Variants in TBC1D22A observed in about 807,000 individuals in gnomAD.
The protein encoded by TBC1D22A is putative GTPase activator.
TBC1D22A carries 38 observed loss-of-function variants against 60.2 expected under a neutral mutation model. The observed-to-expected ratio is 0.63, with a 90% CI of 0.49 to 0.83. The LOEUF (loss-of-function observed/expected upper bound fraction) is 0.83. TBC1D22A is among the 40% of genes least tolerant of loss of function. The probability of loss-of-function intolerance (pLI) is 0.00; values close to 1 mark genes in which losing one functional copy is unlikely to be tolerated. For synonymous variants in TBC1D22A, 302 were observed against 281.7 expected, an observed-to-expected ratio of 1.07 and a Z score of -0.72; for missense variants, 628 against 701.0, an observed-to-expected ratio of 0.90 and a Z score of 1.18.
chr22:46,967,937 C>T (rs1028463278), intron 8 of TBC1D22A, among the ~76,000 whole-genome samples: 10 of 152,142 alleles, frequency 6.6e-5, no homozygotes, highest in African/African-American at 1.2e-4. Context: ...GATTCCAGAG[C>T]ACCCCCTGGT....
chr22:46,781,927 T>C (rs2083957591), intron 1 of TBC1D22A, among the ~76,000 whole-genome samples: 1 of 152,256 alleles, frequency 6.6e-6, no homozygotes, highest in South Asian at 2.1e-4. Flanking sequence ...TACTAACCAG[T>C]TAGTCCTCCT....
chr22:46,847,954 T>TGC (rs137955823), intron 4 of TBC1D22A, among the ~76,000 whole-genome samples: 179 of 53,896 alleles, frequency 3.3e-3, no homozygotes, highest in East Asian at 0.01. Flanking sequence ...TGTGTGTGTG[T>TGC]GCGCGCGCGC....
intron 12 of TBC1D22A, among the ~76,000 whole-genome samples, chr22:47,129,393 C>T (rs1376680901): frequency 6.6e-6 from 1 of 152,246 alleles, no homozygotes; most frequent in Non-Finnish European, 1.5e-5. Context: ...AGGAGAATCA[C>T]TTGAACCTGG....
chr22:46,891,144 C>G, intron 5 of TBC1D22A, 122 bp from the exon 6 acceptor site: 1 of 1,132,726 alleles, frequency 8.8e-7, no homozygotes, highest in Non-Finnish European at 1.2e-6. Flanking sequence ...GTGCTCCTCT[C>G]TGTGTCAGAT....
chr22:47,108,327 C>T (rs2065714494), intron 11 of TBC1D22A, among the ~76,000 whole-genome samples: 1 of 152,198 alleles, frequency 6.6e-6, no homozygotes, highest in South Asian at 2.1e-4. Flanking sequence ...AATGGATAAA[C>T]AAACTGTGGT....
intron 11 of TBC1D22A, among the ~76,000 whole-genome samples, chr22:47,095,656 G>C (rs919913068): frequency 1.3e-5 from 2 of 152,252 alleles, no homozygotes; most frequent in Non-Finnish European, 2.9e-5. Context: ...GAGAGGAGCA[G>C]CTCGGCTCTG....
chr22:46,811,159 G>T (rs1306356375), intron 4 of TBC1D22A, among the ~76,000 whole-genome samples: 1 of 152,208 alleles, frequency 6.6e-6, no homozygotes, highest in Non-Finnish European at 1.5e-5. Context: ...CCAGATTCAG[G>T]CAGTGGATGG....
intron 7 of TBC1D22A, among the ~76,000 whole-genome samples, chr22:46,897,342 A>G (rs573074913): frequency 1.3e-4 from 20 of 152,256 alleles, no homozygotes; most frequent in South Asian, 4.2e-4. Context: ...GTGGCCCGCT[A>G]TCAGTCTGAT....
At chr22:47,005,244 C>T (rs931247986) in intron 10 of TBC1D22A, among the ~76,000 whole-genome samples, 2 of 151,312 alleles carry the variant, frequency 1.3e-5, no homozygotes, top group African/African-American at 4.9e-5. Context: ...TACACAGAAA[C>T]ACCACTATAC....
At chr22:47,102,549 G>T (rs2065460641) in intron 11 of TBC1D22A, among the ~76,000 whole-genome samples, 1 of 152,178 alleles carries the variant, frequency 6.6e-6, no homozygotes, top group African/African-American at 2.4e-5. Flanking sequence ...TTCCATAGAT[G>T]ATATGAGTTT....
intron 10 of TBC1D22A, among the ~76,000 whole-genome samples, chr22:47,006,494 G>A (rs567508517): frequency 1.3e-5 from 2 of 152,294 alleles, no homozygotes; most frequent in Admixed American, 1.3e-4. Flanking sequence ...CGGTGACCCC[G>A]GGTGGTGAGA....
At chr22:46,956,522 C>T (rs554340371) in intron 8 of TBC1D22A, among the ~76,000 whole-genome samples, 31 of 152,264 alleles carry the variant, frequency 2.0e-4, no homozygotes, top group Admixed American at 1.4e-3. Flanking sequence ...CTTCTTTGTC[C>T]GTATAGAGAG....
At chr22:46,823,845 G>A (rs775469293) in intron 4 of TBC1D22A, among the ~76,000 whole-genome samples, 60 of 152,168 alleles carry the variant, frequency 3.9e-4, no homozygotes, top group Admixed American at 2.6e-3. Flanking sequence ...CCGTGACCAG[G>A]ACCAGCAGGT....
chr22:47,013,640 G>A (rs1240832362), intron 10 of TBC1D22A, among the ~76,000 whole-genome samples: 2 of 152,160 alleles, frequency 1.3e-5, no homozygotes, highest in East Asian at 3.9e-4. Flanking sequence ...TTGCCTTTCC[G>A]GGCCAGGGCT....
chr22:46,867,682 A>G (rs2067120415), intron 4 of TBC1D22A, among the ~76,000 whole-genome samples: 1 of 152,238 alleles, frequency 6.6e-6, no homozygotes, highest in South Asian at 2.1e-4. Flanking sequence ...GATGACGTTA[A>G]CACTGTAGAA....
intron 7 of TBC1D22A, among the ~76,000 whole-genome samples, chr22:46,906,906 G>A (rs780903839): frequency 3.0e-4 from 45 of 151,920 alleles, no homozygotes; most frequent in Admixed American, 5.9e-4. Flanking sequence ...GTATATGTGC[G>A]CATGTGCTTT....
Position 46,878,648 on chromosome 22 carries a change from A to T in TBC1D22A, c.638-5A>T, listed in dbSNP as rs755866686. 16 of 1,613,078 alleles carry T rather than the reference A, an allele frequency of 9.9e-6. No individual in the cohort carries two copies. The Admixed American group carries it at 2.5e-4, about 25-fold the overall frequency. On this transcript the variant is annotated splice_polypyrimidine_tract_variant and splice_region_variant and intron_variant, in intron 4 of 12. Coordinates refer to ENST00000337137, the MANE Select transcript of TBC1D22A (RefSeq NM_014346.5). ...GTTTTTCCTTGTCTCTTTTTTCATC[A>T]ACAGAGGAATTACGGAGGTTGAGCT...
At chr22:46,880,740 C>T (rs976924137) in intron 5 of TBC1D22A, among the ~76,000 whole-genome samples, 5 of 152,004 alleles carry the variant, frequency 3.3e-5, no homozygotes, top group Admixed American at 6.5e-5. Context: ...TAAGAGGGGA[C>T]TTCACACCTG....
At chr22:46,889,871 C>CG (rs2068306873) in intron 5 of TBC1D22A, among the ~76,000 whole-genome samples, 1 of 152,038 alleles carries the variant, frequency 6.6e-6, no homozygotes, top group South Asian at 2.1e-4. Flanking sequence ...TATACAGGGG[C>CG]GGGGGGATAG....
Sources: allele counts gnomAD v4.1 joint callset (sites outside exome capture counted in the v4.1 genomes callset), GRCh38; gene constraint gnomAD v4.1.1; transcripts MANE v1.5; gene names NCBI Gene and HGNC (gene_info 2026-07-23, HGNC 2026-07-21).